The following KCNMA1 variants were observed in gnomAD, a reference collection of about 807,000 sequenced individuals.
KCNMA1 encodes the protein Calcium-activated potassium channel subunit alpha-1.
KCNMA1 carries 29 observed loss-of-function variants against 140.0 expected under a neutral mutation model. The ratio of observed to expected loss-of-function variants is 0.21; its 90% CI spans 0.15 to 0.28. The LOEUF is 0.28. Ranked by LOEUF, KCNMA1 falls within the 10% of genes least tolerant of loss-of-function variation. KCNMA1 has a pLI of 1.00. For synonymous variants in KCNMA1, 612 were observed against 611.9 expected (o/e 1.00, Z 0.00); for missense variants, 880 against 1,602.2 (o/e 0.55, Z 7.70).
At chr10:77,430,846 A>G (rs1044654709) in intron 1 of KCNMA1, among the ~76,000 whole-genome samples, 15 of 152,202 alleles carry the variant, frequency 9.9e-5, no homozygotes, top group African/African-American at 3.6e-4. Flanking sequence ...GCCTCCATTA[A>G]GTTAGGTGGA....
At chr10:77,079,185 G>A (rs1206025389) in intron 13 of KCNMA1, among the ~76,000 whole-genome samples, 6 of 152,110 alleles carry the variant, frequency 3.9e-5, no homozygotes, top group Non-Finnish European at 8.8e-5. Context: ...CAGGAGAATT[G>A]CTTGAACTTG....
At chr10:77,447,916 C>T (rs1018793506) in intron 1 of KCNMA1, among the ~76,000 whole-genome samples, 4 of 152,124 alleles carry the variant, frequency 2.6e-5, no homozygotes, top group African/African-American at 2.4e-5. Context: ...TTAAAACAAC[C>T]GAGGGCTTAG....
chr10:77,174,566 A>G (rs1298483508), intron 5 of KCNMA1, among the ~76,000 whole-genome samples: 1 of 152,218 alleles, frequency 6.6e-6, no homozygotes, highest in African/African-American at 2.4e-5. Flanking sequence ...GAGCTTTTAA[A>G]TAGGCAAATG....
At chr10:77,581,658 C>G (rs1293284592) in intron 1 of KCNMA1, among the ~76,000 whole-genome samples, 1 of 152,232 alleles carries the variant, frequency 6.6e-6, no homozygotes, top group Non-Finnish European at 1.5e-5. Context: ...CCTGGGCCCA[C>G]CCAACTGCCG....
chr10:76,948,501 T>C (rs2065067672), intron 22 of KCNMA1, among the ~76,000 whole-genome samples: 1 of 152,236 alleles, frequency 6.6e-6, no homozygotes, highest in Non-Finnish European at 1.5e-5. Flanking sequence ...AAATCCCATA[T>C]CCTCACACTA....
chr10:77,045,549 A>C (rs1175388943), intron 14 of KCNMA1, among the ~76,000 whole-genome samples: 2 of 152,218 alleles, frequency 1.3e-5, no homozygotes, highest in Non-Finnish European at 2.9e-5. Context: ...CCTCCCAAGC[A>C]AATGGTTTCA....
intron 5 of KCNMA1, among the ~76,000 whole-genome samples, chr10:77,139,216 C>G (rs1180247402): frequency 6.6e-6 from 1 of 152,198 alleles, no homozygotes; most frequent in Non-Finnish European, 1.5e-5. Context: ...AACGTTTTCT[C>G]AGGAAGTAGT....
intron 1 of KCNMA1, among the ~76,000 whole-genome samples, chr10:77,411,953 G>A (rs1004148480): frequency 1.3e-5 from 2 of 152,198 alleles, no homozygotes; most frequent in Non-Finnish European, 2.9e-5. Flanking sequence ...CTCGCCATGC[G>A]TATCCTTGGA....
intron 1 of KCNMA1, among the ~76,000 whole-genome samples, chr10:77,602,764 C>G (rs2083064178): frequency 6.6e-6 from 1 of 152,198 alleles, no homozygotes. Context: ...AGCAGCCCCT[C>G]CTGCCAGCCA....
chr10:77,506,139 G>A (rs376315735), intron 1 of KCNMA1, among the ~76,000 whole-genome samples: 2 of 152,128 alleles, frequency 1.3e-5, no homozygotes, highest in African/African-American at 4.8e-5. Context: ...GAGTGATGGG[G>A]TGAATCACTC....
chr10:77,350,603 A>T (rs887991582), intron 2 of KCNMA1: 3 of 152,218 alleles, frequency 2.0e-5, no homozygotes, highest in Non-Finnish European at 4.4e-5. Context: ...AACTACAGCA[A>T]ATTCAACTGA....
chr10:77,389,001 G>A (rs1436914518), intron 2 of KCNMA1, among the ~76,000 whole-genome samples: 1 of 152,240 alleles, frequency 6.6e-6, no homozygotes, highest in Non-Finnish European at 1.5e-5. Flanking sequence ...CAGAGGAATA[G>A]TGATGTTTTC....
At chr10:77,379,453 G>T (rs1377321383) in intron 2 of KCNMA1, among the ~76,000 whole-genome samples, 2 of 151,436 alleles carry the variant, frequency 1.3e-5, no homozygotes, top group Non-Finnish European at 2.9e-5. Flanking sequence ...GAAAAGTACA[G>T]AAAGGAAAAC....
intron 9 of KCNMA1, among the ~76,000 whole-genome samples, chr10:77,095,617 T>C (rs2153810730): frequency 6.6e-6 from 1 of 152,318 alleles, no homozygotes. Context: ...AGGGTCACCA[T>C]AAATTCGCCA....
At chr10:77,135,522 G>C (rs370894802) in intron 5 of KCNMA1, among the ~76,000 whole-genome samples, 1 of 152,136 alleles carries the variant, frequency 6.6e-6, no homozygotes, top group Non-Finnish European at 1.5e-5. Flanking sequence ...TGAAATCAAC[G>C]TGCTGAAGAG....
chr10:77,064,684 G>A (rs1216213004), intron 14 of KCNMA1, among the ~76,000 whole-genome samples: 1 of 152,204 alleles, frequency 6.6e-6, no homozygotes, highest in Non-Finnish European at 1.5e-5. Flanking sequence ...GAGTGGCACT[G>A]CGGGAGGCAG....
At chr10:77,523,498 T>C (rs2054332444) in intron 1 of KCNMA1, among the ~76,000 whole-genome samples, 1 of 152,162 alleles carries the variant, frequency 6.6e-6, no homozygotes, top group Non-Finnish European at 1.5e-5. Flanking sequence ...TTTGCCCAAC[T>C]GGGCAATGTG....
Position 76,887,189 on chromosome 10 carries a change from A to G in KCNMA1, c.*77T>C, listed in dbSNP as rs2037459597. 6 of 1,613,118 alleles carry G rather than the reference A, an allele frequency of 3.7e-6. No individual in the cohort carries two copies. The highest frequency in any genetic ancestry group is 4.2e-6 in the Non-Finnish European group (5 of 1,179,944). ...GGGGGACTACAGGGGAAAACAGGGA[A>G]AGTTACTTTGTTGGAAACACCAACT... On this transcript the variant is annotated 3_prime_UTR_variant, in exon 28 of 28. Transcript: ENST00000286628.
intron 1 of KCNMA1, among the ~76,000 whole-genome samples, chr10:77,483,035 CACACA>C (rs1567086385): frequency 1.4e-4 from 17 of 123,680 alleles, no homozygotes; most frequent in Non-Finnish European, 2.2e-4. Context: ...CACACACACA[CACACA>C]CCCCTTGTTC....
Sources: allele counts gnomAD v4.1 joint callset (sites outside exome capture counted in the v4.1 genomes callset), GRCh38; gene constraint gnomAD v4.1.1; transcripts MANE v1.5; gene names NCBI Gene and HGNC (gene_info 2026-07-23, HGNC 2026-07-21).